Variants in SPECC1 observed in about 807,000 individuals in gnomAD.
SPECC1 encodes the protein sperm antigen with calponin homology and coiled-coil domains 1, also known as cytospin-B.
A neutral mutation model predicts 104.1 loss-of-function variants in SPECC1; 62 were observed. That is an observed-to-expected ratio of 0.60 (90% CI 0.49 to 0.74). The LOEUF is 0.74. Among genes scored for constraint, SPECC1 ranks in the 30% least tolerant of loss-of-function variants. The pLI is 0.00. For missense variants in SPECC1, 1,306 were observed against 1,310.5 expected (o/e 1.00, Z 0.05); for synonymous variants, 513 against 501.6 (o/e 1.02, Z -0.30).
chr17:20,099,435 G>T (rs1429306967), intron 2 of SPECC1, among the ~76,000 whole-genome samples: 1 of 149,534 alleles, frequency 6.7e-6, no homozygotes. Flanking sequence ...CACTTTGGGA[G>T]GCTGAGGTGG....
chr17:20,176,049 A>G (rs898629314), intron 3 of SPECC1, among the ~76,000 whole-genome samples: 2 of 152,144 alleles, frequency 1.3e-5, no homozygotes, highest in Non-Finnish European at 1.5e-5. Flanking sequence ...CTCTGCATAG[A>G]AGTTTTTTTC....
At chr17:20,260,707 ACGGGAGAGGGAGGATTCT>A (rs1384685295) in intron 12 of SPECC1, among the ~76,000 whole-genome samples, 1 of 152,222 alleles carries the variant, frequency 6.6e-6, no homozygotes, top group Non-Finnish European at 1.5e-5. Context: ...GGGAGGAAGC[ACGGGAGAGGGAGGATTCT>A]CTGGCTGACT....
chr17:20,212,158 C>T (rs892318718), intron 4 of SPECC1, among the ~76,000 whole-genome samples: 1 of 152,226 alleles, frequency 6.6e-6, no homozygotes, highest in East Asian at 1.9e-4. Context: ...ATTTCCTCCT[C>T]TCCCTTGGTG....
chr17:20,312,197 C>T (rs193163258), intron 14 of SPECC1, among the ~76,000 whole-genome samples: 1 of 152,152 alleles, frequency 6.6e-6, no homozygotes, highest in East Asian at 1.9e-4. Flanking sequence ...TTATTTCTTC[C>T]TTAAGTATTT....
intron 1 of SPECC1, among the ~76,000 whole-genome samples, chr17:20,050,304 T>C (rs16960644): frequency 0.2 from 29,961 of 152,068 alleles, 3,101 homozygotes; most frequent in African/African-American, 0.27. Flanking sequence ...GTGTTTTTCC[T>C]GATGCCTATC....
Position 20,305,227 on chromosome 17 carries a change from C to T in SPECC1, c.3058-796C>T, listed in dbSNP as rs73984762. On this transcript the variant is annotated intron_variant, in intron 13 of 14. Transcript: ENST00000395527. ...AGCGCCGAGGACTTAAATGTGCTTCCAGGGAAGGAAGCAAAGGTTCTCAGC... is the reference window on the plus strand; with the variant it reads ...AGCGCCGAGGACTTAAATGTGCTTCTAGGGAAGGAAGCAAAGGTTCTCAGC... Among the ~76,000 whole-genome samples the T allele has an allele frequency of 5.9e-3, 903 of 152,084 alleles. 9 individuals are homozygous for T. Among genetic ancestry groups the T allele is most frequent in the African/African-American group, 0.021 (873 of 41,460 alleles).
chr17:20,164,300 A>G (rs1471394069), intron 3 of SPECC1, among the ~76,000 whole-genome samples: 1 of 151,802 alleles, frequency 6.6e-6, no homozygotes, highest in African/African-American at 2.4e-5. Flanking sequence ...AGCTGGGACT[A>G]CAGGCAGTGC....
chr17:20,302,186 G>A (rs200826623), intron 13 of SPECC1, among the ~76,000 whole-genome samples: 33 of 152,206 alleles, frequency 2.2e-4, no homozygotes, highest in East Asian at 5.8e-4. Flanking sequence ...TTCTCCCGTC[G>A]GTTTTGAGTG....
intron 1 of SPECC1, among the ~76,000 whole-genome samples, chr17:20,077,558 C>T (rs1202209905): frequency 2.0e-5 from 3 of 151,994 alleles, no homozygotes; most frequent in Non-Finnish European, 1.5e-5. Flanking sequence ...CCTCTGCCTC[C>T]CAGGTTCAAG....
At chr17:20,234,282 C>T (rs2038774302) in intron 7 of SPECC1, among the ~76,000 whole-genome samples, 2 of 152,188 alleles carry the variant, frequency 1.3e-5, no homozygotes, top group Non-Finnish European at 2.9e-5. Context: ...AGAATGGACA[C>T]CAATGAGAAC....
At chr17:20,253,878 G>GCTGGTCTCAAACTC (rs1254381472) in intron 10 of SPECC1, among the ~76,000 whole-genome samples, 5 of 151,768 alleles carry the variant, frequency 3.3e-5, no homozygotes, top group Non-Finnish European at 7.4e-5. Flanking sequence ...TGTTTCCCAG[G>GCTGGTCTCAAACTC]CTGGTCTCAA....
intron 1 of SPECC1, among the ~76,000 whole-genome samples, chr17:20,051,121 T>TTTCCTTCTTTCC (rs2045750761): frequency 8.8e-6 from 1 of 113,590 alleles, no homozygotes; most frequent in African/African-American, 3.7e-5. Flanking sequence ...TCTTTCTTTC[T>TTTCCTTCTTTCC]TTCTTTCTTT....
chr17:20,297,085 A>G lies in SPECC1; in HGVS notation c.3057+8A>G. 1.2e-6 allele frequency: 2 copies of G among 1,611,270 alleles called. No homozygotes were observed. The highest frequency in any genetic ancestry group is 1.7e-6 in the Non-Finnish European group (2 of 1,177,668). On this transcript the variant is annotated splice_region_variant and intron_variant, in intron 13 of 14. Transcript: ENST00000395527. ...CTGAATAGTCAGGAGAAAGTAAGTCATGGCCCTGTCACCTTGGTTATCCTC... is the reference window on the plus strand; with the variant it reads ...CTGAATAGTCAGGAGAAAGTAAGTCGTGGCCCTGTCACCTTGGTTATCCTC...
At chr17:20,247,422 A>T in intron 9 of SPECC1, 103 bp downstream of exon 9, 1 of 706,890 alleles carries the variant, frequency 1.4e-6, no homozygotes, top group South Asian at 2.2e-5. Flanking sequence ...GTGTGTGTGT[A>T]GAGTATGTGT....
At chr17:20,154,650 G>A (rs942391842) in intron 3 of SPECC1, among the ~76,000 whole-genome samples, 1 of 152,162 alleles carries the variant, frequency 6.6e-6, no homozygotes, top group Non-Finnish European at 1.5e-5. Flanking sequence ...GCAAGTGGGG[G>A]TGTGACATGA....
In SPECC1 at chr17:20,117,703, CAAAA is replaced by C. The variant is rs1157847856; in HGVS notation, c.283+7156_283+7159del. 1.7e-3 allele frequency among the ~76,000 whole-genome samples: 99 copies of C among 59,634 alleles called. No individual in the cohort carries two copies. In the East Asian group the frequency reaches 0.035, roughly 21 times the overall value. The allele number at this position is 59,634 out of a possible 152,430, so 39.1% of individuals were successfully genotyped here. A position where few individuals can be genotyped will look rare whatever the true frequency, so the allele number is the denominator to read the frequency against. On this transcript the variant is annotated intron_variant, in intron 3 of 14. Transcript: ENST00000395527. ...GGAGGCTGAGGTGGGATGATTGTCT[CAAAA>C]AAAAAAAAAAAAAAGAAAAGGAAAA...
At chr17:20,143,717 A>G (rs2031123598) in intron 3 of SPECC1, among the ~76,000 whole-genome samples, 1 of 152,156 alleles carries the variant, frequency 6.6e-6, no homozygotes, top group Admixed American at 6.6e-5. Flanking sequence ...TTTTCTAAGC[A>G]TCTCTTTCAG....
At chr17:20,124,382 T>C (rs141284892) in intron 3 of SPECC1, among the ~76,000 whole-genome samples, 33 of 152,080 alleles carry the variant, frequency 2.2e-4, no homozygotes, top group African/African-American at 7.7e-4. Flanking sequence ...GAGGGGACAT[T>C]CAGAGAGCTC....
At chr17:20,122,798 C>T (rs951416115) in intron 3 of SPECC1, among the ~76,000 whole-genome samples, 2 of 152,192 alleles carry the variant, frequency 1.3e-5, no homozygotes, top group Non-Finnish European at 2.9e-5. Flanking sequence ...CACACTGTAG[C>T]ATGTGTCAGA....
Sources: gnomAD v4.1 joint callset for allele counts (sites outside exome capture counted in the v4.1 genomes callset) on GRCh38, gnomAD v4.1.1 for gene constraint, MANE v1.5 for transcripts, NCBI Gene and HGNC (gene_info 2026-07-23, HGNC 2026-07-21) for gene names.